The following NAA25 variants were observed in gnomAD, a reference collection of about 807,000 sequenced individuals.
NAA25 encodes N-terminal acetyltransferase B complex subunit NAA25.
A neutral mutation model predicts 132.5 loss-of-function variants in NAA25; 30 were observed. The ratio of observed to expected loss-of-function variants is 0.23; its 90% CI spans 0.17 to 0.31. The LOEUF (loss-of-function observed/expected upper bound fraction) is 0.31. NAA25 is among the 10% of genes least tolerant of loss of function. The probability of loss-of-function intolerance (pLI) is 1.00; values close to 1 mark genes in which losing one functional copy is unlikely to be tolerated. For missense variants in NAA25, 771 were observed against 1,150.4 expected, an observed-to-expected ratio of 0.67 and a Z score of 4.77; for synonymous variants, 359 against 401.9, an observed-to-expected ratio of 0.89 and a Z score of 1.28.
intron 1 of NAA25, among the ~76,000 whole-genome samples, chr12:112,094,186 AGCCAAGATGGC>A (rs1289800743): frequency 6.8e-6 from 1 of 146,904 alleles, no homozygotes; most frequent in Non-Finnish European, 1.5e-5. Context: ...GCTTACAGTG[AGCCAAGATGGC>A]GCCACTGCAC....
chr12:112,050,737 CGTAA>C (rs1055308998), intron 15 of NAA25, among the ~76,000 whole-genome samples: 5 of 151,928 alleles, frequency 3.3e-5, no homozygotes, highest in Admixed American at 6.6e-5. Context: ...AGTAAAAACA[CGTAA>C]GTGACTTTTA....
intron 19 of NAA25, among the ~76,000 whole-genome samples, chr12:112,042,517 T>A (rs1018131288): frequency 7.2e-5 from 11 of 151,902 alleles, no homozygotes; most frequent in East Asian, 3.8e-4. Context: ...TTATTTTTTT[T>A]TTTTTTTGAG....
At chr12:112,052,734 ACTAGCTTCCTTG>A (rs1365065546) in intron 15 of NAA25, among the ~76,000 whole-genome samples, 1 of 152,192 alleles carries the variant, frequency 6.6e-6, no homozygotes, top group Non-Finnish European at 1.5e-5. Context: ...AACCCCAGAA[ACTAGCTTCCTTG>A]CTAGTTCCTT....
rs773997748 is a variant in NAA25 at position 112,090,695 on chromosome 12, G to C, written c.283+31C>G. On this transcript the variant is annotated intron_variant, in intron 3 of 23. Coordinates refer to ENST00000261745, the MANE Select transcript of NAA25 (RefSeq NM_024953.4). ...GAAATATCCAAAATTTTCAGCTCAA[G>C]TTTAAAAACAATGAAAAGAAAGAAA... 3 of 1,594,324 alleles carry C rather than the reference G, an allele frequency of 1.9e-6. No homozygotes were observed. The Admixed American group carries it at 5.6e-5, about 30-fold the overall frequency.
chr12:112,050,512 T>C (rs2078448505), intron 15 of NAA25, among the ~76,000 whole-genome samples: 2 of 151,496 alleles, frequency 1.3e-5, no homozygotes, highest in Non-Finnish European at 2.9e-5. Context: ...TTCTTTTATT[T>C]ACTTTTTTTT....
intron 21 of NAA25, 25 bp from the exon 22 acceptor site, chr12:112,039,364 C>T: frequency 7.3e-7 from 1 of 1,360,742 alleles, no homozygotes; most frequent in Non-Finnish European, 1.0e-6. Flanking sequence ...TGCAAATTCA[C>T]CAATAAGGAT....
intron 9 of NAA25, among the ~76,000 whole-genome samples, chr12:112,074,207 G>A (rs1056608634): frequency 5.9e-5 from 9 of 151,914 alleles, no homozygotes; most frequent in African/African-American, 1.7e-4. Flanking sequence ...TGAGCACGGC[G>A]GTGGGCACCT....
chr12:112,068,067 C>A (rs2078745641), intron 11 of NAA25, among the ~76,000 whole-genome samples: 1 of 151,990 alleles, frequency 6.6e-6, no homozygotes, highest in African/African-American at 2.4e-5. Context: ...GAGACAGAGT[C>A]TCACTCTGTC....
rs779341242 is a variant in NAA25, at chr12:112,043,712, G to A, written c.2163C>T (p.Ser721=). 3 of 1,614,170 alleles carry A rather than the reference G, an allele frequency of 1.9e-6. No individual in the cohort carries two copies. Among genetic ancestry groups the A allele is most frequent in the Non-Finnish European group, 2.5e-6 (3 of 1,180,036 alleles). Residue 721 remains serine, a synonymous_variant, in exon 18 of 24, where the codon TCC becomes TCT. Coordinates refer to ENST00000261745, the MANE Select transcript of NAA25 (RefSeq NM_024953.4). ...GCAAACGAAGAATATCAATCCGGGAGGATACCCCATTCTCGGCAGTCTTCT... is the reference window on the plus strand; with the variant it reads ...GCAAACGAAGAATATCAATCCGGGAAGATACCCCATTCTCGGCAGTCTTCT... ...NSEKTAENGV[S]SRIDILRLLL... is the part of the protein sequence containing the mutation.
chr12:112,042,504 T>A (rs1002300763), intron 19 of NAA25, among the ~76,000 whole-genome samples: 5 of 151,846 alleles, frequency 3.3e-5, no homozygotes, highest in Non-Finnish European at 5.9e-5. Context: ...GTGCTTCTTA[T>A]TTTTATTTTT....
At chr12:112,035,681 C>CTTT (rs11356583) in intron 22 of NAA25, among the ~76,000 whole-genome samples, 1 of 138,272 alleles carries the variant, frequency 7.2e-6, no homozygotes, top group Non-Finnish European at 1.6e-5. Context: ...CATCAACTTT[C>CTTT]TTTTTTTTTT....
intron 4 of NAA25, among the ~76,000 whole-genome samples, chr12:112,082,675 C>T (rs1481108199): frequency 4.0e-5 from 6 of 151,344 alleles, no homozygotes; most frequent in African/African-American, 1.5e-4. Flanking sequence ...ATTTTCTTAC[C>T]TCTTCTTTCT....
chr12:112,057,304 A>G, intron 13 of NAA25, among the ~76,000 whole-genome samples: 1 of 152,236 alleles, frequency 6.6e-6, no homozygotes, highest in Non-Finnish European at 1.5e-5. Flanking sequence ...TACTATTATC[A>G]TATGGCCACA....
chr12:112,037,275 C>CATATAT (rs57810657), intron 22 of NAA25, among the ~76,000 whole-genome samples: 726 of 65,088 alleles, frequency 0.011, 32 homozygotes, highest in Non-Finnish European at 0.017. Flanking sequence ...TTAAAAAATA[C>CATATAT]ATATATATAT....
intron 10 of NAA25, among the ~76,000 whole-genome samples, chr12:112,070,439 T>C (rs1248024964): frequency 6.6e-6 from 1 of 152,248 alleles, no homozygotes; most frequent in African/African-American, 2.4e-5. Flanking sequence ...TATTCTTTTG[T>C]CAATAGTTTT....
intron 15 of NAA25, 43 bp downstream of exon 15, chr12:112,053,515 G>A: frequency 7.3e-7 from 1 of 1,372,540 alleles, no homozygotes. Context: ...ATAGTGTGCA[G>A]TCAGCAGACA....
chr12:112,082,789 G>C (rs1225664646), intron 4 of NAA25, among the ~76,000 whole-genome samples: 2 of 148,078 alleles, frequency 1.4e-5, no homozygotes, highest in African/African-American at 5.0e-5. Context: ...CAGGGGGCGG[G>C]GGGTGGGGGG....
chr12:112,088,219 G>A (rs2079081747), intron 3 of NAA25, among the ~76,000 whole-genome samples: 1 of 150,792 alleles, frequency 6.6e-6, no homozygotes, highest in African/African-American at 2.4e-5. Flanking sequence ...AAGCTGAACT[G>A]TAAGACTTTC....
intron 3 of NAA25, chr12:112,090,306 C>A: frequency 6.5e-6 from 1 of 154,112 alleles, no homozygotes; most frequent in South Asian, 2.1e-4. Flanking sequence ...TCAGAAGAAA[C>A]AATGGACTAC....
Sources: gnomAD v4.1 joint callset for allele counts (sites outside exome capture counted in the v4.1 genomes callset) on GRCh38, gnomAD v4.1.1 for gene constraint, MANE v1.5 for transcripts, NCBI Gene and HGNC (gene_info 2026-07-23, HGNC 2026-07-21) for gene names.